Variants in POGZ observed in about 807,000 individuals in gnomAD.
POGZ encodes pogo transposable element derived with ZNF domain.
A neutral mutation model predicts 134.6 loss-of-function variants in POGZ; 17 were observed. The observed-to-expected ratio is 0.13, with a 90% confidence interval of 0.09 to 0.19. The LOEUF is 0.19. POGZ is among the 10% of genes least tolerant of loss of function. POGZ has a pLI of 1.00. For missense variants in POGZ, 1,306 were observed against 1,769.7 expected (o/e 0.74, Z 4.70); for synonymous variants, 693 against 657.1 (o/e 1.05, Z -0.84).
chr1:151,427,167 T>A (rs1657932558), intron 7 of POGZ: 1 of 151,262 alleles, frequency 6.6e-6, no homozygotes, highest in Non-Finnish European at 1.5e-5. Flanking sequence ...CGTCTTGGCC[T>A]CCCATAATGC....
At chr1:151,441,566 G>A (rs1342717794) in intron 2 of POGZ, among the ~76,000 whole-genome samples, 1 of 152,128 alleles carries the variant, frequency 6.6e-6, no homozygotes, top group Non-Finnish European at 1.5e-5. Context: ...TCTGAATTCA[G>A]GGCAATCTAG....
At chr1:151,414,113 A>G (rs955148738) in intron 10 of POGZ, among the ~76,000 whole-genome samples, 3 of 152,244 alleles carry the variant, frequency 2.0e-5, no homozygotes, top group South Asian at 2.1e-4. Context: ...AGGAAAAGCT[A>G]TAACAACATA....
chr1:151,409,645 T>A (rs1654319579), intron 12 of POGZ, among the ~76,000 whole-genome samples: 1 of 151,822 alleles, frequency 6.6e-6, no homozygotes, highest in Non-Finnish European at 1.5e-5. Flanking sequence ...CCCTTACTTT[T>A]TTCCCTTTCC....
At position 151,427,893 on chromosome 1, in the gene POGZ, T is replaced by C. The variant is rs753948525; in HGVS notation, c.1008A>G (p.Pro336=). ...TIPSLGQSPG[P]VVVSNNSSAH... is the part of the protein sequence containing the mutation. Reference sequence around the variant, plus strand: ...CAGAGCTGTTGTTGGACACCACCACTGGCCCAGGACTCTGGCCCAGGGAAG... The same window carrying C: ...CAGAGCTGTTGTTGGACACCACCACCGGCCCAGGACTCTGGCCCAGGGAAG... Residue 336 remains proline, a synonymous_variant, in exon 7 of 19, where the codon CCA becomes CCG. Transcript: ENST00000271715. The C allele has an allele frequency of 9.3e-6, 15 of 1,614,022 alleles. No homozygotes were observed. The highest frequency in any genetic ancestry group is 1.1e-5 in the Non-Finnish European group (13 of 1,180,008).
chr1:151,424,998 T>A lies in POGZ; in HGVS notation c.1142A>T (p.Asn381Ile). Residue 381 changes from asparagine (N) to isoleucine (I), a missense_variant, in exon 8 of 19, where the codon AAT (asparagine) becomes ATT (isoleucine). Physicochemically the swap from Asn to Ile is moderately radical, Grantham distance 149. Transcript: ENST00000271715. ...AGCTTCAGTAACACGAAATTGAGCA[T>A]TACATCGTGGACATATTTTCCGTCC... ...DGGRKICPRC[N>I]AQFRVTEALR... The A allele has an allele frequency of 6.3e-7, 1 of 1,599,014 alleles. No homozygotes were observed. Among genetic ancestry groups the A allele is most frequent in the Non-Finnish European group, 8.5e-7 (1 of 1,169,852 alleles).
At position 151,404,548 on chromosome 1, in the gene POGZ, C is replaced by T. The variant is rs1653230331; in HGVS notation, c.*254G>A. ...ATTTAAATTTAAAAAAAAAAAAAGT[C>T]ACAAAAACCTGTTTTTAGCAGAAGT... On this transcript the variant is annotated 3_prime_UTR_variant, in exon 19 of 19. Coordinates refer to ENST00000271715, the MANE Select transcript of POGZ (RefSeq NM_015100.4). 8.7e-7 allele frequency: 1 copy of T among 1,147,636 alleles called. No individual in the cohort carries two copies. The highest frequency in any genetic ancestry group is 1.1e-6 in the Non-Finnish European group (1 of 934,874). 71.1% of individuals were successfully genotyped at this position (1,147,636 alleles called of 1,614,324 possible).
At position 151,411,635 on chromosome 1, in the gene POGZ, A is replaced by C; in HGVS notation, c.1916T>G (p.Met639Arg). 6.2e-7 allele frequency: 1 copy of C among 1,609,330 alleles called. No individual in the cohort carries two copies. The highest frequency in any genetic ancestry group is 1.7e-5 in the Admixed American group (1 of 59,176). Residue 639 changes from methionine to arginine, a missense_variant, in exon 12 of 19, where the codon ATG becomes AGG. This residue lies in a region of POGZ where 149 missense variants were observed against 237.5 expected (regional missense o/e 0.63). Transcript: ENST00000271715. ...CTTGGTGCCTAGTACCTGGTGCCTC[A>C]TGTAATGCTGTTGGAATGCATTGCC... is the stretch of plus-strand genomic sequence containing the variant. Reference protein sequence around the residue: ...KNGNAFQQHYMRHQKRNVYHC... With the variant: ...KNGNAFQQHYRRHQKRNVYHC...
intron 1 of POGZ, among the ~76,000 whole-genome samples, chr1:151,458,892 T>C (rs1663146846): frequency 7.0e-6 from 1 of 142,426 alleles, no homozygotes; most frequent in Non-Finnish European, 1.5e-5. Flanking sequence ...CGCCGGCCCT[T>C]CGCGCGGCTC....
Position 151,405,313 on chromosome 1 carries a change from G to C in POGZ, c.3722C>G (p.Ala1241Gly). The change falls in exon 19 of 19, where the codon GCT (alanine) becomes GGT (glycine). Residue 1241 changes from alanine to glycine, a missense_variant. Physicochemically the swap from Ala to Gly is moderately conservative, Grantham distance 60. Around this residue, in one of 10 missense-constraint regions of POGZ, gnomAD observed 67 missense variants for 105.8 expected, o/e 0.63. Transcript: ENST00000271715. This position sits in a 1 kb window ranked among gnomAD's most constrained non-coding sequence, Gnocchi z 4.9. Reference sequence around the variant, plus strand: ...CAAAGTGCTAGAGGCACTAAGCATAGCCAGTACCTCTTCTGACAAGTGAGT... The same window carrying C: ...CAAAGTGCTAGAGGCACTAAGCATACCCAGTACCTCTTCTGACAAGTGAGT... ...HRTHLSEEVL[A>G]MLSASSTLPA... The C allele has an allele frequency of 6.2e-7, 1 of 1,614,144 alleles. No individual in the cohort carries two copies. The highest frequency in any genetic ancestry group is 2.2e-5 in the East Asian group (1 of 44,890).
intron 10 of POGZ, among the ~76,000 whole-genome samples, chr1:151,416,879 G>A (rs891849943): frequency 2.0e-5 from 3 of 152,024 alleles, no homozygotes; most frequent in East Asian, 1.9e-4. Context: ...CAATCCTCAC[G>A]CCTTGGCCTC....
intron 4 of POGZ, among the ~76,000 whole-genome samples, chr1:151,430,190 C>T (rs916138516): frequency 6.6e-5 from 10 of 152,150 alleles, no homozygotes; most frequent in African/African-American, 2.4e-4. Flanking sequence ...GAAGCATTTG[C>T]CTTTAGAATC....
chr1:151,412,089 G>A (rs966940807), intron 11 of POGZ, among the ~76,000 whole-genome samples: 5 of 152,130 alleles, frequency 3.3e-5, no homozygotes, highest in Admixed American at 6.5e-5. Flanking sequence ...ACATGTTCCC[G>A]GCTAGTCTAC....
intron 1 of POGZ, among the ~76,000 whole-genome samples, chr1:151,456,997 G>C (rs1662851328): frequency 6.6e-6 from 1 of 152,306 alleles, no homozygotes; most frequent in Middle Eastern, 3.4e-3. Flanking sequence ...CCTTGCTTTT[G>C]AACCATCAGT....
In POGZ at chr1:151,411,188, C is replaced by T. The variant is rs571294296; in HGVS notation, c.1926+437G>A. On this transcript the variant is annotated intron_variant, in intron 12 of 18. Coordinates refer to ENST00000271715, the MANE Select transcript of POGZ (RefSeq NM_015100.4). ...CCATGATCTGTCCCTGCCTAACTTC[C>T]AACCCCTCTGTCTCTTACACCCTAC... Among the ~76,000 whole-genome samples, 55 of 152,306 alleles carry T rather than the reference C, an allele frequency of 3.6e-4. No homozygotes were observed. The South Asian group carries it at 9.5e-3, about 26-fold the overall frequency.
At position 151,406,968 on chromosome 1, in the gene POGZ, T is replaced by C. The variant is rs751689833; in HGVS notation, c.2488A>G (p.Met830Val). 3 of 1,614,158 alleles carry C rather than the reference T, an allele frequency of 1.9e-6. No homozygotes were observed. The highest frequency in any genetic ancestry group is 2.5e-6 in the Non-Finnish European group (3 of 1,180,004). The change falls in exon 17 of 19, where the codon ATG becomes GTG. Residue 830 changes from methionine (M) to valine (V), a missense_variant. Transcript: ENST00000271715. ...CTFVTSVGDA[M>V]AKHLVFNPSH... ...GGGTTGAATACCAAATGCTTGGCCA[T>C]AGCATCGCCCACAGAGGTAACAAAG...
chr1:151,419,474 C>T (rs11204808), intron 10 of POGZ, among the ~76,000 whole-genome samples: 97,171 of 151,168 alleles, frequency 0.64, 34,714 homozygotes, highest in Non-Finnish European at 0.82. Context: ...ATGGCAAAAC[C>T]CTATCTCTAC....
chr1:151,408,661 T>A, intron 13 of POGZ, 33 bp downstream of exon 13: 1 of 1,610,140 alleles, frequency 6.2e-7, no homozygotes, highest in Non-Finnish European at 8.5e-7. Context: ...CCTCCCTCCC[T>A]GGGCCTATAA....
Position 151,408,777 on chromosome 1 carries a change from T to C in POGZ, c.1978A>G (p.Lys660Glu), listed in dbSNP as rs1418634444. Residue 660 changes from lysine to glutamate, a missense_variant, in exon 13 of 19, where the codon AAG becomes GAG. Lys to Glu is a moderately conservative substitution (Grantham distance 56). Coordinates refer to ENST00000271715, the MANE Select transcript of POGZ (RefSeq NM_015100.4). Reference protein sequence around the residue: ...NKCRLQFLFAKDKIEHKLQHH... With the variant: ...NKCRLQFLFAEDKIEHKLQHH... ...TGAAGCTTGTGTTCAATTTTGTCCTTGGCAAAGAGAAACTGCAGCCGGCAT... is the reference window on the plus strand; with the variant it reads ...TGAAGCTTGTGTTCAATTTTGTCCTCGGCAAAGAGAAACTGCAGCCGGCAT... 6.2e-7 allele frequency: 1 copy of C among 1,613,934 alleles called. No individual in the cohort carries two copies. Among genetic ancestry groups the C allele is most frequent in the Non-Finnish European group, 8.5e-7 (1 of 1,179,978 alleles).
Position 151,406,110 on chromosome 1 carries a change from C to G in POGZ, c.2925G>C (p.Val975=), listed in dbSNP as rs767485159. ...GGVGKKEQLS[V]KKLRVVLFAL... Reference sequence around the variant, plus strand: ...CAAACAGTACTACTCGAAGCTTCTTCACAGACAGCTGCTCCTTTTTGCCAA... The same window carrying G: ...CAAACAGTACTACTCGAAGCTTCTTGACAGACAGCTGCTCCTTTTTGCCAA... The change falls in exon 19 of 19, where the codon GTG becomes GTC. Residue 975 remains valine (V), a synonymous_variant. Coordinates refer to ENST00000271715, the MANE Select transcript of POGZ (RefSeq NM_015100.4). 56 of 1,614,116 alleles carry G rather than the reference C, an allele frequency of 3.5e-5. No individual in the cohort carries two copies. The highest frequency in any genetic ancestry group is 1.7e-6 in the Non-Finnish European group (2 of 1,180,052).
Sources: gnomAD v4.1 joint callset for allele counts (sites outside exome capture counted in the v4.1 genomes callset) on GRCh38, gnomAD v4.1.1 for gene constraint, gnomAD v4.1.1 regional missense constraint, Gnocchi (gnomAD v3.1) non-coding constraint, MANE v1.5 for transcripts, NCBI Gene and HGNC (gene_info 2026-07-23, HGNC 2026-07-21) for gene names.